The following CACNA1I variants were observed in gnomAD, a reference collection of about 807,000 sequenced individuals.
CACNA1I encodes calcium voltage-gated channel subunit alpha1 I, also known as voltage-dependent T-type calcium channel subunit alpha-1I.
Under a neutral mutation model 201.6 loss-of-function variants are expected in CACNA1I, and 74 were observed. That is an observed-to-expected ratio of 0.37 (90% CI 0.30 to 0.45). The LOEUF is 0.45. CACNA1I is among the 20% of genes least tolerant of loss of function. CACNA1I has a pLI of 1.00. For synonymous variants in CACNA1I, 1,431 were observed against 1,345.2 expected, an observed-to-expected ratio of 1.06 and a Z score of -1.40; for missense variants, 2,346 against 3,138.1, an observed-to-expected ratio of 0.75 and a Z score of 6.03.
intron 1 of CACNA1I, among the ~76,000 whole-genome samples, chr22:39,584,363 G>A (rs964592331): frequency 1.3e-5 from 2 of 152,144 alleles, no homozygotes; most frequent in Non-Finnish European, 2.9e-5. Context: ...GAATTTAGTG[G>A]TCTGGGAAGA....
At chr22:39,592,063 G>T (rs1932828853) in intron 1 of CACNA1I, among the ~76,000 whole-genome samples, 1 of 152,232 alleles carries the variant, frequency 6.6e-6, no homozygotes, top group Non-Finnish European at 1.5e-5. Context: ...GGGGACGTGG[G>T]TAGGAAGTGG....
chr22:39,593,519 G>A (rs1392096002), intron 1 of CACNA1I, among the ~76,000 whole-genome samples: 2 of 152,210 alleles, frequency 1.3e-5, no homozygotes, highest in African/African-American at 2.4e-5. Flanking sequence ...TGGAGAGGTG[G>A]AGGAAAGGGA....
intron 2 of CACNA1I, among the ~76,000 whole-genome samples, chr22:39,598,566 C>G (rs1387763364): frequency 6.6e-6 from 1 of 151,888 alleles, no homozygotes; most frequent in Non-Finnish European, 1.5e-5. Context: ...TAGTCCAGGC[C>G]TCAATCTTCT....
intron 3 of CACNA1I, among the ~76,000 whole-genome samples, chr22:39,613,049 C>A (rs1468200511): frequency 6.6e-6 from 1 of 152,248 alleles, no homozygotes; most frequent in Non-Finnish European, 1.5e-5. Flanking sequence ...CCCCCGTGGG[C>A]CCCTTGTGAA....
intron 3 of CACNA1I, among the ~76,000 whole-genome samples, chr22:39,618,423 C>T (rs1476431474): frequency 2.0e-5 from 3 of 150,302 alleles, no homozygotes; most frequent in Non-Finnish European, 4.4e-5. Flanking sequence ...ATGTACGTGA[C>T]TCTGTGTATG....
chr22:39,587,566 C>T (rs936248500), intron 1 of CACNA1I, among the ~76,000 whole-genome samples: 10 of 152,030 alleles, frequency 6.6e-5, no homozygotes, highest in Non-Finnish European at 1.2e-4. Context: ...GCTGTGGCCA[C>T]AGGTGGAATG....
chr22:39,636,404 A>G (rs1441588166), intron 5 of CACNA1I, among the ~76,000 whole-genome samples: 1 of 152,248 alleles, frequency 6.6e-6, no homozygotes, highest in Non-Finnish European at 1.5e-5. Context: ...GAACGCCCTA[A>G]GGGAAGATGC....
At chr22:39,633,806 A>G (rs976997820) in intron 4 of CACNA1I, among the ~76,000 whole-genome samples, 1 of 152,190 alleles carries the variant, frequency 6.6e-6, no homozygotes, top group South Asian at 2.1e-4. Flanking sequence ...CTTTGGGGCC[A>G]TGGACTCCTG....
intron 1 of CACNA1I, among the ~76,000 whole-genome samples, chr22:39,582,980 C>G (rs1450285726): frequency 6.6e-6 from 1 of 151,516 alleles, no homozygotes; most frequent in Non-Finnish European, 1.5e-5. Flanking sequence ...ATCCATCCCT[C>G]CATCCATCCA....
chr22:39,664,010 A>T, intron 19 of CACNA1I, 81 bp from the exon 20 acceptor site: 1 of 1,542,366 alleles, frequency 6.5e-7, no homozygotes, highest in Non-Finnish European at 9.0e-7. Context: ...TCCTCTACGA[A>T]CCTTGGCCAA....
chr22:39,592,957 C>CG (rs1361754537), intron 1 of CACNA1I, among the ~76,000 whole-genome samples: 1 of 152,198 alleles, frequency 6.6e-6, no homozygotes, highest in Non-Finnish European at 1.5e-5. Flanking sequence ...TCAGGAACCG[C>CG]GGGCAGTGAT....
chr22:39,623,973 GT>G (rs1488721219), intron 4 of CACNA1I, among the ~76,000 whole-genome samples: 1 of 148,496 alleles, frequency 6.7e-6, no homozygotes, highest in Non-Finnish European at 1.5e-5. Flanking sequence ...GTGTGTATGT[GT>G]CAAGGGTGTG....
At chr22:39,623,424 G>A (rs1438043245) in intron 4 of CACNA1I, among the ~76,000 whole-genome samples, 1 of 152,128 alleles carries the variant, frequency 6.6e-6, no homozygotes, top group East Asian at 1.9e-4. Context: ...GTAAGGGTGT[G>A]TACATGTGAG....
rs1401743396 is a variant in CACNA1I at position 39,676,498 on chromosome 22, A to C, written c.4855-843A>C. Among the ~76,000 whole-genome samples the C allele has an allele frequency of 6.6e-6, 1 of 152,128 alleles. No homozygotes were observed. Among genetic ancestry groups the C allele is most frequent in the Non-Finnish European group, 1.5e-5 (1 of 68,028 alleles). On this transcript the variant is annotated intron_variant, in intron 29 of 36. Coordinates refer to ENST00000402142, the MANE Select transcript of CACNA1I (RefSeq NM_021096.4). The surrounding 1 kb of genome is among the most constrained non-coding windows in gnomAD (Gnocchi z 4.8). ...AGAGATATTTCATTTCTAGGGCAAG[A>C]ATGTGTTTTAGCCTTATCTTATCCA...
At chr22:39,628,262 G>A (rs1453293141) in intron 4 of CACNA1I, among the ~76,000 whole-genome samples, 4 of 152,222 alleles carry the variant, frequency 2.6e-5, no homozygotes, top group African/African-American at 4.8e-5. Context: ...CAGATGTGGG[G>A]CCAAGATCAG....
At chr22:39,622,066 C>T (rs1258224416) in intron 4 of CACNA1I, among the ~76,000 whole-genome samples, 11 of 152,192 alleles carry the variant, frequency 7.2e-5, no homozygotes, top group Admixed American at 2.0e-4. Context: ...CAAACCAGCA[C>T]ACCTTCCCCA....
chr22:39,649,936 C>T lies in CACNA1I; in HGVS notation c.1992+11C>T, dbSNP rs749900274. 7.4e-6 allele frequency: 12 copies of T among 1,612,644 alleles called. No individual in the cohort carries two copies. Among genetic ancestry groups the T allele is most frequent in the African/African-American group, 2.7e-5 (2 of 74,838 alleles). On this transcript the variant is annotated intron_variant, in intron 10 of 36. Coordinates refer to ENST00000402142, the MANE Select transcript of CACNA1I (RefSeq NM_021096.4). The surrounding 1 kb of genome is among the most constrained non-coding windows in gnomAD (Gnocchi z 7.3). ...GAGCACCACGAGCAGGCCAGTGCAG[C>T]GCAGCCGGGCCGGGCCTGCGGGAGA...
Position 39,670,794 on chromosome 22 carries a change from C to T in CACNA1I, c.4388-9C>T. 1 of 1,613,812 alleles carries T rather than the reference C, an allele frequency of 6.2e-7. No homozygotes were observed. Among genetic ancestry groups the T allele is most frequent in the South Asian group, 1.1e-5 (1 of 91,078 alleles). ...GTGGTCTTTGCCACTCCCCCTGCAC[C>T]ACCTGCAGAGGCCCAGCGGCTGCCC... On this transcript the variant is annotated splice_polypyrimidine_tract_variant and intron_variant, in intron 25 of 36. Coordinates refer to ENST00000402142, the MANE Select transcript of CACNA1I (RefSeq NM_021096.4).
Position 39,686,396 on chromosome 22 carries a change from G to A in CACNA1I, c.6663G>A (p.Arg2221=). 2 of 1,271,546 alleles carry A rather than the reference G, an allele frequency of 1.6e-6. No individual in the cohort carries two copies. The highest frequency in any genetic ancestry group is 3.3e-5 in the East Asian group (1 of 30,508). 78.8% of individuals were successfully genotyped at this position (1,271,546 alleles called of 1,614,324 possible). Residue 2221 remains arginine (R), a synonymous_variant, in exon 37 of 37, where the codon AGG becomes AGA. Transcript: ENST00000402142. ...ELEPGDAASK[R]KR ...AGCCGGGAGACGCCGCCAGCAAGAG[G>A]AAGAGATGAGGGTCGCAGGGGCCCC...
Sources: gnomAD v4.1 joint callset for allele counts (sites outside exome capture counted in the v4.1 genomes callset) on GRCh38, gnomAD v4.1.1 for gene constraint, Gnocchi (gnomAD v3.1) non-coding constraint, MANE v1.5 for transcripts, NCBI Gene and HGNC (gene_info 2026-07-23, HGNC 2026-07-21) for gene names.